The following MARCHF11 variants were observed in gnomAD, a reference collection of about 807,000 sequenced individuals.
MARCHF11 encodes the protein membrane associated ring-CH-type finger 11, also known as E3 ubiquitin-protein ligase MARCHF11.
In MARCHF11, 29 loss-of-function variants were observed where a neutral mutation model predicts 37.3. The ratio of observed to expected loss-of-function variants is 0.78; its 90% CI spans 0.58 to 1.06. MARCHF11 has a LOEUF of 1.06. Among genes scored for constraint, MARCHF11 ranks in the 50% least tolerant of loss-of-function variants. The pLI is 0.00. For missense variants in MARCHF11, 482 were observed against 533.4 expected, an observed-to-expected ratio of 0.90 and a Z score of 0.95; for synonymous variants, 233 against 228.0, an observed-to-expected ratio of 1.02 and a Z score of -0.20.
chr5:16,070,195 G>A (rs994947411), intron 3 of MARCHF11, among the ~76,000 whole-genome samples: 89 of 152,210 alleles, frequency 5.8e-4, no homozygotes, highest in African/African-American at 2.1e-3. Context: ...ATTTTAATTG[G>A]TGGTTCTATT....
chr5:16,155,452 A>G (rs1737965245), intron 2 of MARCHF11, among the ~76,000 whole-genome samples: 1 of 151,766 alleles, frequency 6.6e-6, no homozygotes. Flanking sequence ...ATATATATTA[A>G]CAATATTGTA....
Position 16,179,465 on chromosome 5 carries a change from TCCC to T in MARCHF11, c.108_110del (p.Gly37del). On this transcript the variant is annotated inframe_deletion, in exon 1 of 4. Coordinates refer to ENST00000332432, the MANE Select transcript of MARCHF11 (RefSeq NM_001102562.3). The stretch of plus-strand genomic sequence containing the variant: ...GGGCCGCGGGGACCGGGGCCGGCTC[TCCC>T]GGCGGCGGCGTCGGCGGCGGCGGCG... The T allele has an allele frequency of 8.9e-7, 1 of 1,125,858 alleles. No individual in the cohort carries two copies. Among genetic ancestry groups the T allele is most frequent in the Non-Finnish European group, 1.1e-6 (1 of 921,546 alleles). The allele number at this position is 1,125,858 out of a possible 1,614,324, so 69.7% of individuals were successfully genotyped here.
chr5:16,093,917 C>A (rs539164921), intron 2 of MARCHF11, among the ~76,000 whole-genome samples: 2 of 152,230 alleles, frequency 1.3e-5, no homozygotes, highest in East Asian at 3.9e-4. Flanking sequence ...CTATAGTGAG[C>A]TCCCTGAAAT....
At chr5:16,119,509 T>A (rs1305934241) in intron 2 of MARCHF11, among the ~76,000 whole-genome samples, 2 of 152,042 alleles carry the variant, frequency 1.3e-5, no homozygotes, top group East Asian at 3.9e-4. Context: ...ATCTGGTACC[T>A]CCAGATGCCT....
chr5:16,100,336 T>C (rs1736934822), intron 2 of MARCHF11, among the ~76,000 whole-genome samples: 2 of 152,136 alleles, frequency 1.3e-5, no homozygotes, highest in Admixed American at 1.3e-4. Flanking sequence ...AATAAAGTTC[T>C]AGATGAATCA....
chr5:16,098,587 G>T (rs945577242), intron 2 of MARCHF11, among the ~76,000 whole-genome samples: 10 of 151,990 alleles, frequency 6.6e-5, no homozygotes, highest in Non-Finnish European at 1.3e-4. Flanking sequence ...GGCCAACATG[G>T]TGAAACCCTG....
At chr5:16,095,196 A>T (rs941911118) in intron 2 of MARCHF11, among the ~76,000 whole-genome samples, 1 of 152,122 alleles carries the variant, frequency 6.6e-6, no homozygotes, top group African/African-American at 2.4e-5. Context: ...TCTCTAGGCT[A>T]TTGAAAGAGC....
intron 2 of MARCHF11, among the ~76,000 whole-genome samples, chr5:16,130,684 C>T (rs941326586): frequency 4.6e-5 from 7 of 152,126 alleles, no homozygotes; most frequent in African/African-American, 1.7e-4. Flanking sequence ...TGAATGGAGT[C>T]AGGAATGCTC....
chr5:16,100,135 G>A (rs1408095336), intron 2 of MARCHF11, among the ~76,000 whole-genome samples: 1 of 152,060 alleles, frequency 6.6e-6, no homozygotes, highest in African/African-American at 2.4e-5. Context: ...CCATGTGCCT[G>A]GGTCCCAGAA....
chr5:16,100,537 G>A (rs1203780796), intron 2 of MARCHF11, among the ~76,000 whole-genome samples: 3 of 151,832 alleles, frequency 2.0e-5, no homozygotes, highest in Non-Finnish European at 2.9e-5. Context: ...AGTGGAGAGT[G>A]ACTCTAAATG....
chr5:16,149,127 T>C lies in MARCHF11; in HGVS notation c.693+28599A>G, dbSNP rs143767234. 5.8e-3 allele frequency among the ~76,000 whole-genome samples: 889 copies of C among 152,134 alleles called. 2 individuals are homozygous for C. Among genetic ancestry groups the C allele is most frequent in the Non-Finnish European group, 1.0e-2 (678 of 67,988 alleles). On this transcript the variant is annotated intron_variant, in intron 2 of 3. Transcript: ENST00000332432. ...CCTTTATTTAAAAATCACTGCTAAA[T>C]CCCTTCTCATTTCCTTGCCCAGTGT... is the stretch of plus-strand genomic sequence containing the variant.
intron 2 of MARCHF11, among the ~76,000 whole-genome samples, chr5:16,168,082 A>G (rs1192576306): frequency 6.6e-6 from 1 of 152,074 alleles, no homozygotes; most frequent in African/African-American, 2.4e-5. Flanking sequence ...TTCATACTGG[A>G]ATTCTCCCCA....
intron 2 of MARCHF11, among the ~76,000 whole-genome samples, chr5:16,105,611 G>C (rs1008120780): frequency 6.6e-6 from 1 of 152,132 alleles, no homozygotes; most frequent in African/African-American, 2.4e-5. Flanking sequence ...AGGAAGAGAG[G>C]AGACACTTGG....
Position 16,166,536 on chromosome 5 carries a change from A to G in MARCHF11, c.693+11190T>C, listed in dbSNP as rs189415996. On this transcript the variant is annotated intron_variant, in intron 2 of 3. Coordinates refer to ENST00000332432, the MANE Select transcript of MARCHF11 (RefSeq NM_001102562.3). ...TAAACTATATAAACCATTTCTATCAACACAGAAATGGTTACATACAGAAAC... is the reference window on the plus strand; with the variant it reads ...TAAACTATATAAACCATTTCTATCAGCACAGAAATGGTTACATACAGAAAC... Among the ~76,000 whole-genome samples, 5 of 152,060 alleles carry G rather than the reference A, an allele frequency of 3.3e-5. No individual in the cohort carries two copies. The East Asian group carries it at 7.8e-4, about 24-fold the overall frequency.
At position 16,179,215 on chromosome 5, in the gene MARCHF11, C is replaced by T; in HGVS notation, c.361G>A (p.Glu121Lys). 2 of 1,350,648 alleles carry T rather than the reference C, an allele frequency of 1.5e-6. No individual in the cohort carries two copies. The highest frequency in any genetic ancestry group is 1.9e-6 in the Non-Finnish European group (2 of 1,053,852). The allele number at this position is 1,350,648 out of a possible 1,614,324, so 83.7% of individuals were successfully genotyped here. A position where few individuals can be genotyped will look rare whatever the true frequency, so the allele number is the denominator to read the frequency against. Reference protein sequence around the residue: ...EAAAAKGGPGESEAGAGGERE... With the variant: ...EAAAAKGGPGKSEAGAGGERE... ...TCGCCGCCCGCGCCGGCCTCAGACT[C>T]CCCGGGGCCGCCTTTCGCTGCTGCC... Residue 121 changes from glutamate (E) to lysine (K), a missense_variant, in exon 1 of 4, where the codon GAG becomes AAG. Glu to Lys is a moderately conservative substitution (Grantham distance 56). Transcript: ENST00000332432.
intron 2 of MARCHF11, among the ~76,000 whole-genome samples, chr5:16,105,670 A>C (rs1297572986): frequency 6.6e-6 from 1 of 152,234 alleles, no homozygotes; most frequent in African/African-American, 2.4e-5. Flanking sequence ...CAGAAAGCAC[A>C]GAGAAGGTAA....
intron 2 of MARCHF11, among the ~76,000 whole-genome samples, chr5:16,148,203 G>C (rs574832336): frequency 3.3e-5 from 5 of 152,148 alleles, no homozygotes; most frequent in Admixed American, 3.3e-4. Context: ...AGGAAACAGA[G>C]GGCATGAATT....
chr5:16,163,665 T>C (rs547998445), intron 2 of MARCHF11, among the ~76,000 whole-genome samples: 1 of 152,216 alleles, frequency 6.6e-6, no homozygotes, highest in African/African-American at 2.4e-5. Flanking sequence ...TGAGTAGCTA[T>C]ATTAACATCA....
intron 2 of MARCHF11, among the ~76,000 whole-genome samples, chr5:16,131,730 G>A (rs1737518086): frequency 6.6e-6 from 1 of 152,138 alleles, no homozygotes; most frequent in Non-Finnish European, 1.5e-5. Context: ...CAAACATTCT[G>A]GGAACATTGC....
Sources: allele counts gnomAD v4.1 joint callset (sites outside exome capture counted in the v4.1 genomes callset), GRCh38; gene constraint gnomAD v4.1.1; transcripts MANE v1.5; gene names NCBI Gene and HGNC (gene_info 2026-07-23, HGNC 2026-07-21).